ASIC2: variants seen among roughly 807,000 people sequenced by gnomAD.
ASIC2 encodes acid sensing ion channel subunit 2.
In ASIC2, 25 loss-of-function variants were observed where a neutral mutation model predicts 57.3. The ratio of observed to expected loss-of-function variants is 0.44; its 90% CI spans 0.32 to 0.61. ASIC2 has a LOEUF of 0.61. Ranked by LOEUF, ASIC2 falls within the 20% of genes least tolerant of loss-of-function variation. The pLI, the probability that ASIC2 is intolerant of heterozygous loss-of-function variation, is 0.06. For synonymous variants in ASIC2, 319 were observed against 307.5 expected (o/e 1.04, Z -0.39); for missense variants, 641 against 738.1 (o/e 0.87, Z 1.52).
At chr17:33,049,812 G>A (rs778539878) in intron 3 of ASIC2, among the ~76,000 whole-genome samples, 2 of 152,096 alleles carry the variant, frequency 1.3e-5, no homozygotes, top group Non-Finnish European at 2.9e-5. Flanking sequence ...TAAAACAGGC[G>A]CTCCAAAGTG....
At chr17:33,427,998 G>T (rs961648539) in intron 1 of ASIC2, among the ~76,000 whole-genome samples, 4 of 152,180 alleles carry the variant, frequency 2.6e-5, no homozygotes, top group African/African-American at 9.7e-5. Flanking sequence ...AGGGGTCCAT[G>T]TGGCAAGTAA....
At chr17:33,736,025 T>C (rs936875376) in intron 1 of ASIC2, among the ~76,000 whole-genome samples, 1 of 152,126 alleles carries the variant, frequency 6.6e-6, no homozygotes, top group Non-Finnish European at 1.5e-5. Flanking sequence ...TGACTTCACT[T>C]TGAAGTGTGT....
At chr17:33,843,499 AATG>A (rs763524746) in intron 1 of ASIC2, among the ~76,000 whole-genome samples, 4 of 152,236 alleles carry the variant, frequency 2.6e-5, no homozygotes, top group Non-Finnish European at 4.4e-5. Context: ...AGTCACTGAG[AATG>A]ATGAGATTGT....
At chr17:33,817,550 G>A (rs1410358967) in intron 1 of ASIC2, among the ~76,000 whole-genome samples, 1 of 152,158 alleles carries the variant, frequency 6.6e-6, no homozygotes, top group African/African-American at 2.4e-5. Flanking sequence ...TGCCATTTCA[G>A]AGGCAGAGAA....
intron 2 of ASIC2, among the ~76,000 whole-genome samples, chr17:33,091,780 G>C (rs2092158588): frequency 6.6e-6 from 1 of 152,168 alleles, no homozygotes; most frequent in South Asian, 2.1e-4. Flanking sequence ...GATAGGTAAG[G>C]TTTCTGCTCT....
At chr17:33,034,046 C>G (rs1213309077) in intron 3 of ASIC2, among the ~76,000 whole-genome samples, 4 of 152,090 alleles carry the variant, frequency 2.6e-5, no homozygotes, top group African/African-American at 9.7e-5. Context: ...GATGGCCTGC[C>G]AGCAGAGAGG....
chr17:33,658,771 G>C (rs774783313), intron 1 of ASIC2, among the ~76,000 whole-genome samples: 1 of 152,132 alleles, frequency 6.6e-6, no homozygotes, highest in Non-Finnish European at 1.5e-5. Context: ...TGAGGTGGAC[G>C]GATCTTTTGA....
At chr17:33,192,347 C>A (rs1047270058) in intron 1 of ASIC2, among the ~76,000 whole-genome samples, 1 of 152,036 alleles carries the variant, frequency 6.6e-6, no homozygotes, top group African/African-American at 2.4e-5. Context: ...CATGCCATTG[C>A]ACTCCAGCCT....
intron 1 of ASIC2, among the ~76,000 whole-genome samples, chr17:33,405,642 C>A (rs1471176064): frequency 6.6e-6 from 1 of 152,000 alleles, no homozygotes; most frequent in Non-Finnish European, 1.5e-5. Flanking sequence ...CGCCACCACA[C>A]CCAGCTAATT....
intron 1 of ASIC2, among the ~76,000 whole-genome samples, chr17:34,102,109 G>C (rs1910887143): frequency 1.3e-5 from 2 of 151,922 alleles, no homozygotes; most frequent in South Asian, 4.2e-4. Context: ...AGGAGTTCGA[G>C]ACTAGCCTGG....
chr17:33,169,663 C>T (rs567855983), intron 1 of ASIC2, among the ~76,000 whole-genome samples: 5 of 152,294 alleles, frequency 3.3e-5, no homozygotes, highest in African/African-American at 9.6e-5. Flanking sequence ...AGATCCCTAG[C>T]GTCTCTTGCA....
At chr17:33,643,855 A>C (rs1257692828) in intron 1 of ASIC2, among the ~76,000 whole-genome samples, 5 of 152,318 alleles carry the variant, frequency 3.3e-5, no homozygotes, top group Middle Eastern at 3.4e-3. Context: ...CATTGGTGAT[A>C]ATGACGCTCA....
intron 1 of ASIC2, among the ~76,000 whole-genome samples, chr17:33,607,510 T>C (rs1567667501): frequency 1.3e-5 from 2 of 152,176 alleles, no homozygotes; most frequent in East Asian, 1.9e-4. Flanking sequence ...TCCGAGGCGA[T>C]CTTTCGAAAG....
intron 1 of ASIC2, among the ~76,000 whole-genome samples, chr17:33,857,008 T>C (rs1913974943): frequency 6.6e-6 from 1 of 151,974 alleles, no homozygotes; most frequent in Non-Finnish European, 1.5e-5. Context: ...CTAAGGAGGA[T>C]AGATGGAGCT....
intron 1 of ASIC2, among the ~76,000 whole-genome samples, chr17:34,099,366 G>GGAAA (rs1363030266): frequency 8.5e-6 from 1 of 117,336 alleles, no homozygotes; most frequent in South Asian, 2.6e-4. Context: ...AAGGAAGGAA[G>GGAAA]GAAAGAAAGA....
chr17:33,742,620 A>C (rs1797926040), intron 1 of ASIC2, among the ~76,000 whole-genome samples: 1 of 152,210 alleles, frequency 6.6e-6, no homozygotes, highest in Non-Finnish European at 1.5e-5. Flanking sequence ...ACAATGCAGG[A>C]AAAAACTCCA....
intron 6 of ASIC2, among the ~76,000 whole-genome samples, chr17:33,021,550 G>A (rs1253043424): frequency 6.6e-6 from 1 of 152,234 alleles, no homozygotes; most frequent in Non-Finnish European, 1.5e-5. Context: ...CTGTCTCCCT[G>A]CTTTCTCTTT....
chr17:33,059,562 A>T (rs557638550), intron 3 of ASIC2, among the ~76,000 whole-genome samples: 3 of 152,282 alleles, frequency 2.0e-5, no homozygotes, highest in East Asian at 3.9e-4. Flanking sequence ...TCTATCATTG[A>T]TGGACATTTG....
intron 1 of ASIC2, among the ~76,000 whole-genome samples, chr17:33,873,335 T>C (rs1914468393): frequency 6.6e-6 from 1 of 152,192 alleles, no homozygotes; most frequent in Non-Finnish European, 1.5e-5. Context: ...GATAAGTGCT[T>C]AGCAGGAACT....
Sources: gnomAD v4.1 joint callset for allele counts (sites outside exome capture counted in the v4.1 genomes callset) on GRCh38, gnomAD v4.1.1 for gene constraint, MANE v1.5 for transcripts, NCBI Gene and HGNC (gene_info 2026-07-23, HGNC 2026-07-21) for gene names.